The following PCDHGA2 variants were observed in gnomAD, a reference collection of about 807,000 sequenced individuals.
The protein encoded by PCDHGA2 is protocadherin gamma subfamily A, 2.
In PCDHGA2, 40 loss-of-function variants were observed where a neutral mutation model predicts 59.2. The observed-to-expected ratio is 0.68, with a 90% confidence interval of 0.52 to 0.88. The LOEUF (loss-of-function observed/expected upper bound fraction) is 0.88. PCDHGA2 is among the 40% of genes least tolerant of loss of function. PCDHGA2 has a pLI of 0.00. For missense variants in PCDHGA2, 1,226 were observed against 1,204.0 expected (o/e 1.02, Z -0.27); for synonymous variants, 560 against 526.0 (o/e 1.06, Z -0.89).
intron 1 of PCDHGA2, chr5:141,395,911 T>C (rs964928270): frequency 2.6e-5 from 4 of 152,144 alleles, no homozygotes; most frequent in African/African-American, 9.7e-5. Flanking sequence ...CATGGAGACA[T>C]GAAATCTAAA....
intron 2 of PCDHGA2, among the ~76,000 whole-genome samples, chr5:141,504,178 A>C (rs572543892): frequency 4.5e-4 from 69 of 152,366 alleles, no homozygotes; most frequent in Non-Finnish European, 7.6e-4. Context: ...AAATTCAAAA[A>C]AATCATGAAA....
rs1388608588 is a variant in PCDHGA2 at position 141,481,102 on chromosome 5, A to T, written c.2425-13705A>T. The stretch of plus-strand genomic sequence containing the variant: ...GAAAAAAGAAAAGCAGTACTCTGGA[A>T]CCTACCAATCCATCATTTAGCATAT... On this transcript the variant is annotated intron_variant, in intron 1 of 3. Transcript: ENST00000394576. 3.3e-5 allele frequency among the ~76,000 whole-genome samples: 5 copies of T among 152,288 alleles called. No individual in the cohort carries two copies. The East Asian group carries it at 7.7e-4, about 24-fold the overall frequency.
At chr5:141,408,971 C>G (rs763728764) in intron 1 of PCDHGA2, 4 of 1,613,698 alleles carry the variant, frequency 2.5e-6, no homozygotes, top group Non-Finnish European at 3.4e-6. Flanking sequence ...AAATCTGCCC[C>G]CTGGGTCCCC....
chr5:141,494,678 G>A, intron 1 of PCDHGA2, 129 bp from the exon 2 acceptor site: 1 of 1,554,384 alleles, frequency 6.4e-7, no homozygotes, highest in Non-Finnish European at 8.7e-7. Flanking sequence ...GTCCACCCCT[G>A]CCCCCTCTTA....
chr5:141,478,927 C>T (rs2154577116), intron 1 of PCDHGA2: 2 of 690,162 alleles, frequency 2.9e-6, no homozygotes, highest in East Asian at 6.0e-5. Flanking sequence ...TAACCAGTGG[C>T]AGCTTCTAGG....
chr5:141,344,743 A>T (rs1757464536), intron 1 of PCDHGA2: 2 of 1,614,002 alleles, frequency 1.2e-6, no homozygotes, highest in Non-Finnish European at 1.7e-6. Flanking sequence ...GATGCAAATG[A>T]CAACCCACCA....
intron 1 of PCDHGA2, among the ~76,000 whole-genome samples, chr5:141,456,287 C>T (rs951430060): frequency 1.3e-5 from 2 of 152,048 alleles, no homozygotes; most frequent in Non-Finnish European, 2.9e-5. Flanking sequence ...TGAAAAGGGG[C>T]GTCTAATGGA....
rs765535731 is a variant in PCDHGA2, at chr5:141,427,976, G to T, written c.2425-66831G>T. On this transcript the variant is annotated intron_variant, in intron 1 of 3. Transcript: ENST00000394576. ...ATGTGCCGCGGGTGCTGTACCCCGC[G>T]CTGGGGCCCGATGGCTCCGCACTCT... 1.1e-5 allele frequency: 17 copies of T among 1,594,884 alleles called. No individual in the cohort carries two copies. The East Asian group carries it at 1.6e-4, about 15-fold the overall frequency.
rs199625514 is a variant in PCDHGA2 at position 141,485,144 on chromosome 5, G to C, written c.2425-9663G>C. The C allele has an allele frequency of 6.4e-7, 1 of 1,564,190 alleles. No homozygotes were observed. Among genetic ancestry groups the C allele is most frequent in the African/African-American group, 1.4e-5 (1 of 74,034 alleles). ...CGGGTCGGCTTCATCCGCGTCTCAG[G>C]AGCAAGTAGAGAATTAGCGGGCGGC... On this transcript the variant is annotated intron_variant, in intron 1 of 3. Coordinates refer to ENST00000394576, the MANE Select transcript of PCDHGA2 (RefSeq NM_018915.4). The surrounding 1 kb of genome is among the most constrained non-coding windows in gnomAD (Gnocchi z 5.7).
chr5:141,365,331 T>G, intron 1 of PCDHGA2: 1 of 1,613,960 alleles, frequency 6.2e-7, no homozygotes, highest in Non-Finnish European at 8.5e-7. Flanking sequence ...GCTAAGGTGG[T>G]GGTCACAGTA....
At position 141,376,251 on chromosome 5, in the gene PCDHGA2, G is replaced by A. The variant is rs748938190; in HGVS notation, c.2424+34856G>A. 11 of 1,614,110 alleles carry A rather than the reference G, an allele frequency of 6.8e-6. No individual in the cohort carries two copies. The East Asian group carries it at 1.8e-4, about 26-fold the overall frequency. On this transcript the variant is annotated intron_variant, in intron 1 of 3. Transcript: ENST00000394576. ...AGACTGCAGCGCTGGCACAAGTCAC[G>A]CCTGCTGCAGGCTTCGGGAGGTGGC...
intron 1 of PCDHGA2, among the ~76,000 whole-genome samples, chr5:141,473,404 T>A (rs953797915): frequency 6.6e-6 from 1 of 152,226 alleles, no homozygotes; most frequent in Non-Finnish European, 1.5e-5. Flanking sequence ...TCTTTTTTTC[T>A]TCTTCAGTGG....
chr5:141,373,190 A>G (rs746967409), intron 1 of PCDHGA2, among the ~76,000 whole-genome samples: 1 of 152,254 alleles, frequency 6.6e-6, no homozygotes, highest in Non-Finnish European at 1.5e-5. Flanking sequence ...ATGAAACATT[A>G]TGTATATCTT....
In PCDHGA2 at chr5:141,476,327, G is replaced by A. The variant is rs2099389169; in HGVS notation, c.2425-18480G>A. The A allele has an allele frequency of 1.2e-6, 2 of 1,614,192 alleles. No individual in the cohort carries two copies. Among genetic ancestry groups the A allele is most frequent in the African/African-American group, 1.3e-5 (1 of 75,046 alleles). On this transcript the variant is annotated intron_variant, in intron 1 of 3. Transcript: ENST00000394576. The surrounding 1 kb of genome is among the most constrained non-coding windows in gnomAD (Gnocchi z 7.6). ...AGCCCGCAGGTTCCGGGTGGTGTCT[G>A]GAGCTAGCCGAAGATTCTTTGAGGT...
chr5:141,394,076 A>C (rs1329419086), intron 1 of PCDHGA2: 1 of 1,613,896 alleles, frequency 6.2e-7, no homozygotes, highest in Admixed American at 1.7e-5. Flanking sequence ...ACAATATCAC[A>C]GTGATGGCCT....
In PCDHGA2 at chr5:141,395,765, C is replaced by T. The variant is rs143173330; in HGVS notation, c.2424+54370C>T. The T allele has an allele frequency of 7.5e-4, 114 of 152,628 alleles. No homozygotes were observed. The Middle Eastern group carries it at 0.03, about 41-fold the overall frequency. 9.5% of individuals were successfully genotyped at this position (152,628 alleles called of 1,614,324 possible). Reference sequence around the variant, plus strand: ...TCTTTTCTGAGCCCTGTTTCTGTACCAGTGCCCTTCAAAACTTTAATACTT... The same window carrying T: ...TCTTTTCTGAGCCCTGTTTCTGTACTAGTGCCCTTCAAAACTTTAATACTT... On this transcript the variant is annotated intron_variant, in intron 1 of 3. Coordinates refer to ENST00000394576, the MANE Select transcript of PCDHGA2 (RefSeq NM_018915.4).
intron 1 of PCDHGA2, chr5:141,355,839 G>C (rs554282896): frequency 6.2e-7 from 1 of 1,612,140 alleles, no homozygotes; most frequent in East Asian, 2.2e-5. Context: ...TCGTTCTCAC[G>C]GCCTTCGATG....
intron 1 of PCDHGA2, among the ~76,000 whole-genome samples, chr5:141,459,691 C>T (rs754899227): frequency 3.9e-5 from 6 of 152,158 alleles, no homozygotes; most frequent in East Asian, 1.9e-4. Flanking sequence ...TAAAGCGTTC[C>T]GCTTGCTACA....
chr5:141,458,408 C>T (rs895785923), intron 1 of PCDHGA2, among the ~76,000 whole-genome samples: 3 of 151,932 alleles, frequency 2.0e-5, no homozygotes, highest in Non-Finnish European at 2.9e-5. Context: ...AGAGACGGAG[C>T]GGGGGTTCCA....
Sources: allele counts gnomAD v4.1 joint callset (sites outside exome capture counted in the v4.1 genomes callset), GRCh38; gene constraint gnomAD v4.1.1; non-coding constraint Gnocchi (gnomAD v3.1); transcripts MANE v1.5; gene names NCBI Gene and HGNC (gene_info 2026-07-23, HGNC 2026-07-21).